Variants in AGBL4 observed in about 807,000 individuals in gnomAD.
The protein encoded by AGBL4 is cytosolic carboxypeptidase 6.
Under a neutral mutation model 66.4 loss-of-function variants are expected in AGBL4, and 58 were observed. The observed-to-expected ratio is 0.87, with a 90% CI of 0.71 to 1.09. The LOEUF is 1.09. Ranked by LOEUF, AGBL4 falls within the 50% of genes least tolerant of loss-of-function variation. The probability of loss-of-function intolerance (pLI) is 0.00; values close to 1 mark genes in which losing one functional copy is unlikely to be tolerated. For missense variants in AGBL4, 579 were observed against 631.0 expected, an observed-to-expected ratio of 0.92 and a Z score of 0.88; for synonymous variants, 234 against 222.9, an observed-to-expected ratio of 1.05 and a Z score of -0.44.
intron 2 of AGBL4, among the ~76,000 whole-genome samples, chr1:49,711,456 T>C (rs1196160296): frequency 6.6e-6 from 1 of 152,054 alleles, no homozygotes; most frequent in Non-Finnish European, 1.5e-5. Flanking sequence ...CTCAAATCAT[T>C]ATGTCAAAAT....
At chr1:48,759,604 C>A (rs1230472031) in intron 6 of AGBL4, among the ~76,000 whole-genome samples, 1 of 152,260 alleles carries the variant, frequency 6.6e-6, no homozygotes, top group African/African-American at 2.4e-5. Flanking sequence ...CCCAACTCCC[C>A]AGGCCCCAGC....
At chr1:48,881,244 T>C (rs1396717042) in intron 5 of AGBL4, among the ~76,000 whole-genome samples, 2 of 152,364 alleles carry the variant, frequency 1.3e-5, no homozygotes, top group South Asian at 4.1e-4. Context: ...TGCCAGCATG[T>C]GGGATTACAA....
intron 6 of AGBL4, among the ~76,000 whole-genome samples, chr1:48,682,674 T>C (rs898391961): frequency 6.6e-6 from 1 of 152,218 alleles, no homozygotes; most frequent in Non-Finnish European, 1.5e-5. Context: ...ACTACAGGTA[T>C]GAGCCACAGC....
At chr1:49,014,441 T>C (rs1164352701) in intron 5 of AGBL4, among the ~76,000 whole-genome samples, 1 of 152,206 alleles carries the variant, frequency 6.6e-6, no homozygotes, top group Non-Finnish European at 1.5e-5. Context: ...TGTGCCTCAG[T>C]TTTCCCTTTT....
At chr1:48,811,228 C>T (rs1329435964) in intron 6 of AGBL4, among the ~76,000 whole-genome samples, 2 of 152,070 alleles carry the variant, frequency 1.3e-5, no homozygotes, top group Admixed American at 6.6e-5. Flanking sequence ...TCAAGTTCTT[C>T]AGGTCAAACG....
At position 49,189,970 on chromosome 1, in the gene AGBL4, ATT is replaced by A. The variant is rs575107777; in HGVS notation, c.377+55798_377+55799del. On this transcript the variant is annotated intron_variant, in intron 4 of 13. Transcript: ENST00000371839. Reference sequence around the variant, plus strand: ...CAGGACACTCCTGTTATAATAATGCATTCTTTGTTTTTATTTTTCCTCCAAAG... The same window carrying A: ...CAGGACACTCCTGTTATAATAATGCACTTTGTTTTTATTTTTCCTCCAAAG... Among the ~76,000 whole-genome samples the A allele has an allele frequency of 8.1e-3, 1,239 of 152,204 alleles. 10 individuals are homozygous for A. The highest frequency in any genetic ancestry group is 0.013 in the Non-Finnish European group (871 of 67,992).
intron 3 of AGBL4, among the ~76,000 whole-genome samples, chr1:49,530,282 A>AAAAAAAAAAAAAAAAAAAC (rs1558025489): frequency 6.9e-6 from 1 of 145,414 alleles, no homozygotes; most frequent in Non-Finnish European, 1.5e-5. Flanking sequence ...ACAAAAAAAA[A>AAAAAAAAAAAAAAAAAAAC]CTCTATGAGT....
intron 6 of AGBL4, among the ~76,000 whole-genome samples, chr1:48,700,681 C>G (rs1646787405): frequency 6.6e-6 from 1 of 152,152 alleles, no homozygotes; most frequent in African/African-American, 2.4e-5. Flanking sequence ...CACAAAAGAG[C>G]CAAGAAGGAA....
intron 5 of AGBL4, among the ~76,000 whole-genome samples, chr1:48,998,209 A>ATT (rs1661155958): frequency 6.6e-6 from 1 of 152,228 alleles, no homozygotes; most frequent in African/African-American, 2.4e-5. Context: ...AGACTTAAGA[A>ATT]AAGTGAAATG....
intron 2 of AGBL4, among the ~76,000 whole-genome samples, chr1:49,846,942 T>G (rs1269596745): frequency 6.6e-6 from 1 of 152,206 alleles, no homozygotes; most frequent in Non-Finnish European, 1.5e-5. Flanking sequence ...AAAATTCATA[T>G]TGTACCCAAA....
chr1:49,410,373 C>T (rs1181935681), intron 3 of AGBL4, among the ~76,000 whole-genome samples: 1 of 152,174 alleles, frequency 6.6e-6, no homozygotes, highest in Non-Finnish European at 1.5e-5. Flanking sequence ...TACTGCTTAG[C>T]CCGGCATAGT....
intron 6 of AGBL4, chr1:48,776,663 C>A (rs1334703178): frequency 6.7e-7 from 1 of 1,493,144 alleles, no homozygotes. Flanking sequence ...TCGCGGGGGG[C>A]GCGCGGGGGG....
intron 6 of AGBL4, among the ~76,000 whole-genome samples, chr1:48,738,182 T>TCC (rs946647570): frequency 3.3e-5 from 5 of 152,170 alleles, no homozygotes; most frequent in African/African-American, 1.2e-4. Flanking sequence ...ACTGAAATTT[T>TCC]CCAACCATCA....
intron 1 of AGBL4, among the ~76,000 whole-genome samples, chr1:49,914,531 T>C (rs1463166145): frequency 6.6e-6 from 1 of 152,216 alleles, no homozygotes; most frequent in Admixed American, 6.5e-5. Context: ...AATTTCCATA[T>C]AGATCTCTTG....
rs568393942 is a variant in AGBL4, at chr1:48,925,553, T to C, written c.595-58323A>G. ...AAAGCTCATCAGCTATCGTTAGTGTTAGTGTATTTTATGTGTGGCCCAAGA... is the reference window on the plus strand; with the variant it reads ...AAAGCTCATCAGCTATCGTTAGTGTCAGTGTATTTTATGTGTGGCCCAAGA... On this transcript the variant is annotated intron_variant, in intron 5 of 13. Coordinates refer to ENST00000371839, the MANE Select transcript of AGBL4 (RefSeq NM_032785.4). Among the ~76,000 whole-genome samples the C allele has an allele frequency of 3.0e-4, 45 of 152,266 alleles. 2 individuals are homozygous for C. The South Asian group carries it at 8.7e-3, about 29-fold the overall frequency.
intron 3 of AGBL4, among the ~76,000 whole-genome samples, chr1:49,367,278 G>T (rs938502845): frequency 6.6e-6 from 1 of 152,148 alleles, no homozygotes; most frequent in Non-Finnish European, 1.5e-5. Context: ...GAATGGCTTG[G>T]CATCCTTCCC....
Position 49,635,968 on chromosome 1 carries a change from A to G in AGBL4, c.282+61345T>C, listed in dbSNP as rs187026617. ...CTAAAAATTAGATACCTCCAAAATGATAAAATGGAAACTTGTAAGGCCTCA... is the reference window on the plus strand; with the variant it reads ...CTAAAAATTAGATACCTCCAAAATGGTAAAATGGAAACTTGTAAGGCCTCA... On this transcript the variant is annotated intron_variant, in intron 3 of 13. Transcript: ENST00000371839. Among the ~76,000 whole-genome samples, 280 of 152,346 alleles carry G rather than the reference A, an allele frequency of 1.8e-3. 2 individuals are homozygous for G. Among genetic ancestry groups the G allele is most frequent in the Admixed American group, 5.2e-3 (80 of 15,298 alleles).
rs962087922 is a variant in AGBL4 at position 49,670,642 on chromosome 1, T to G, written c.282+26671A>C. ...CTTGAGTAATAGCTACAATTCTGAA[T>G]AGGCTCTCCAAATTGCACACTGGTC... On this transcript the variant is annotated intron_variant, in intron 3 of 13. Coordinates refer to ENST00000371839, the MANE Select transcript of AGBL4 (RefSeq NM_032785.4). 3.9e-5 allele frequency among the ~76,000 whole-genome samples: 6 copies of G among 152,176 alleles called. No homozygotes were observed. The South Asian group carries it at 1.2e-3, about 31-fold the overall frequency.
At chr1:49,783,874 T>C (rs1364363696) in intron 2 of AGBL4, among the ~76,000 whole-genome samples, 2 of 152,050 alleles carry the variant, frequency 1.3e-5, no homozygotes, top group African/African-American at 4.8e-5. Flanking sequence ...TAATTTAAAA[T>C]TGAAAATAAG....
Sources: allele counts gnomAD v4.1 joint callset (sites outside exome capture counted in the v4.1 genomes callset), GRCh38; gene constraint gnomAD v4.1.1; transcripts MANE v1.5; gene names NCBI Gene and HGNC (gene_info 2026-07-23, HGNC 2026-07-21).